The following ZNG1A variants were observed in gnomAD, a reference collection of about 807,000 sequenced individuals.
ZNG1A encodes the protein zinc-regulated GTPase metalloprotein activator 1A.
the ZNG1A span, among the ~76,000 whole-genome samples, chr9:174,642 A>G: frequency 2.7e-5 from 4 of 150,440 alleles, no homozygotes; most frequent in South Asian, 2.1e-4. Flanking sequence ...TTCGTTTATT[A>G]AAACCAGAAA....
chr9:178,628 G>A, the ZNG1A span, among the ~76,000 whole-genome samples: 1 of 108,740 alleles, frequency 9.2e-6, no homozygotes, highest in East Asian at 2.3e-4. Flanking sequence ...AACGCAGAGG[G>A]GGCCGGGCAT....
chr9:155,067 C>G, the ZNG1A span, among the ~76,000 whole-genome samples: 3 of 151,708 alleles, frequency 2.0e-5, no homozygotes, highest in Admixed American at 2.0e-4. Flanking sequence ...AGTTCTGTTA[C>G]TTGCTACTCT....
the ZNG1A span, among the ~76,000 whole-genome samples, chr9:154,962 T>C: frequency 6.6e-6 from 1 of 152,182 alleles, no homozygotes; most frequent in East Asian, 1.9e-4. Flanking sequence ...GTGACTCAGT[T>C]TACTCCTAAT....
At chr9:127,511 T>C in the ZNG1A span, among the ~76,000 whole-genome samples, 1 of 152,234 alleles carries the variant, frequency 6.6e-6, no homozygotes, top group Non-Finnish European at 1.5e-5. Context: ...TGCTCACATT[T>C]GGTGTCCGTT....
chr9:137,515 G>A, the ZNG1A span, among the ~76,000 whole-genome samples: 14 of 152,242 alleles, frequency 9.2e-5, no homozygotes, highest in South Asian at 4.1e-4. Context: ...CAGACACGGC[G>A]GATGAAAGGG....
chr9:125,127 C>T, the ZNG1A span, among the ~76,000 whole-genome samples: 1 of 152,196 alleles, frequency 6.6e-6, no homozygotes, highest in Admixed American at 6.5e-5. Flanking sequence ...TTTAAGGAAT[C>T]TCCACAGTTT....
At chr9:150,075 C>G in the ZNG1A span, 1 of 142,962 alleles carries the variant, frequency 7.0e-6, no homozygotes, top group African/African-American at 2.6e-5. Flanking sequence ...AACAAAACTT[C>G]TATAAGAGTG....
the ZNG1A span, among the ~76,000 whole-genome samples, chr9:157,008 C>T: frequency 7.2e-6 from 1 of 137,988 alleles, no homozygotes; most frequent in African/African-American, 2.7e-5. Flanking sequence ...TAAAATACTT[C>T]CCTACACCCC....
the ZNG1A span, among the ~76,000 whole-genome samples, chr9:139,513 T>A: frequency 6.7e-6 from 1 of 148,456 alleles, no homozygotes; most frequent in Non-Finnish European, 1.5e-5. Context: ...AGATCTCATG[T>A]TAGATGTTCT....
the ZNG1A span, among the ~76,000 whole-genome samples, chr9:168,621 C>T: frequency 6.7e-6 from 1 of 148,836 alleles, no homozygotes; most frequent in Non-Finnish European, 1.5e-5. Context: ...ACTTTCATAG[C>T]TATAGAGAAG....
the ZNG1A span, among the ~76,000 whole-genome samples, chr9:141,688 A>G: frequency 2.6e-5 from 4 of 151,856 alleles, no homozygotes; most frequent in South Asian, 8.3e-4. Flanking sequence ...TTCACACATA[A>G]CGATATTAAC....
chr9:141,377 G>C, the ZNG1A span, among the ~76,000 whole-genome samples: 500 of 148,980 alleles, frequency 3.4e-3, 2 homozygotes, highest in African/African-American at 0.012. Flanking sequence ...AGAGAGTGGG[G>C]GCCAATATTC....
chr9:156,293 G>T, the ZNG1A span, among the ~76,000 whole-genome samples: 1 of 151,302 alleles, frequency 6.6e-6, no homozygotes, highest in Admixed American at 6.6e-5. Flanking sequence ...CGACAAAAAT[G>T]ACTTTAAGTA....
At chr9:145,854 G>A in the ZNG1A span, among the ~76,000 whole-genome samples, 1 of 151,818 alleles carries the variant, frequency 6.6e-6, no homozygotes, top group African/African-American at 2.4e-5. Context: ...GTTTGGTGTA[G>A]AAGTGTTAAC....
At chr9:136,127 A>G in the ZNG1A span, among the ~76,000 whole-genome samples, 1 of 82,234 alleles carries the variant, frequency 1.2e-5, no homozygotes, top group Non-Finnish European at 2.8e-5. Flanking sequence ...CTAACAACGA[A>G]CATTTAAGTT....
chr9:128,587 G>C, the ZNG1A span, among the ~76,000 whole-genome samples: 2,529 of 144,640 alleles, frequency 0.017, 166 homozygotes, highest in African/African-American at 0.064. Context: ...TTTACTTCTT[G>C]TATCTTTTTT....
chr9:154,403 G>A, the ZNG1A span: 1 of 474,310 alleles, frequency 2.1e-6, no homozygotes, highest in Non-Finnish European at 3.7e-6. Flanking sequence ...TAACCATCCT[G>A]GGTAAAGTTA....
the ZNG1A span, chr9:171,915 T>C: frequency 1.0e-4 from 101 of 979,586 alleles, no homozygotes; most frequent in Non-Finnish European, 9.2e-6. Flanking sequence ...TTCATTCAAC[T>C]GCCAAAGAAA....
the ZNG1A span, chr9:154,828 TTTAAA>T: frequency 1.4e-6 from 2 of 1,432,938 alleles, no homozygotes; most frequent in Admixed American, 3.8e-5. Flanking sequence ...GTTAAGAAAC[TTTAAA>T]TAATATACAC....
Sources: gnomAD v4.1 joint callset for allele counts (sites outside exome capture counted in the v4.1 genomes callset) on GRCh38, gnomAD v4.1.1 for gene constraint, MANE v1.5 for transcripts, NCBI Gene and HGNC (gene_info 2026-07-23, HGNC 2026-07-21) for gene names.